GABRB3: variants seen among roughly 807,000 people sequenced by gnomAD.
GABRB3 encodes the protein gamma-aminobutyric acid receptor subunit beta-3.
A neutral mutation model predicts 52.1 loss-of-function variants in GABRB3; 14 were observed. That is an observed-to-expected ratio of 0.27 (90% CI 0.18 to 0.42). GABRB3 has a LOEUF of 0.42. GABRB3 is among the 10% of genes least tolerant of loss of function. GABRB3 has a pLI of 1.00. For synonymous variants in GABRB3, 260 were observed against 232.3 expected (o/e 1.12, Z -1.08); for missense variants, 307 against 609.1 (o/e 0.50, Z 5.22).
chr15:26,734,010 T>C (rs937269669), intron 3 of GABRB3, among the ~76,000 whole-genome samples: 1 of 139,592 alleles, frequency 7.2e-6, no homozygotes, highest in Non-Finnish European at 1.5e-5. Flanking sequence ...ATGTAAGCCC[T>C]AAAACTATAG....
At chr15:26,597,005 G>A (rs1024920609) in intron 4 of GABRB3, among the ~76,000 whole-genome samples, 2 of 152,134 alleles carry the variant, frequency 1.3e-5, no homozygotes, top group East Asian at 1.9e-4. Flanking sequence ...TCATGTGCTA[G>A]TTCAGATTTC....
intron 6 of GABRB3, among the ~76,000 whole-genome samples, chr15:26,569,792 TA>T (rs1890326372): frequency 6.6e-6 from 1 of 152,256 alleles, no homozygotes; most frequent in Non-Finnish European, 1.5e-5. Context: ...TATGACATTA[TA>T]CATTATCTCT....
rs1595440495 is a variant in GABRB3 at position 26,561,186 on chromosome 15, A to G, written c.836-10T>C. The G allele has an allele frequency of 6.2e-7, 1 of 1,613,570 alleles. No homozygotes were observed. The highest frequency in any genetic ancestry group is 1.7e-5 in the Admixed American group (1 of 60,026). ...AGCACAGTTGTGATCCCTAGAAAAGAAACAAAGTGGTGAGAGGCTGAAACT... is the reference window on the plus strand; with the variant it reads ...AGCACAGTTGTGATCCCTAGAAAAGGAACAAAGTGGTGAGAGGCTGAAACT... On this transcript the variant is annotated splice_polypyrimidine_tract_variant and intron_variant, in intron 7 of 8. Transcript: ENST00000311550.
At chr15:26,625,297 C>A (rs908616004) in intron 3 of GABRB3, 3 of 196,550 alleles carry the variant, frequency 1.5e-5, no homozygotes, top group African/African-American at 2.4e-5. Context: ...ATCAGAACCC[C>A]GGCACCACCA....
At chr15:26,699,821 A>G (rs1408180913) in intron 3 of GABRB3, among the ~76,000 whole-genome samples, 3 of 152,064 alleles carry the variant, frequency 2.0e-5, no homozygotes, top group African/African-American at 7.2e-5. Flanking sequence ...AAAAATGGAA[A>G]CATAATATTG....
At chr15:26,748,276 A>G (rs751446960) in intron 3 of GABRB3, among the ~76,000 whole-genome samples, 1 of 152,026 alleles carries the variant, frequency 6.6e-6, no homozygotes, top group South Asian at 2.1e-4. Context: ...TCTAGAGGAG[A>G]CTGCATACAG....
At chr15:26,691,463 C>T (rs1888586179) in intron 3 of GABRB3, among the ~76,000 whole-genome samples, 1 of 152,212 alleles carries the variant, frequency 6.6e-6, no homozygotes, top group Non-Finnish European at 1.5e-5. Context: ...CCATTCATTA[C>T]ATCCACTCTG....
intron 3 of GABRB3, among the ~76,000 whole-genome samples, chr15:26,660,803 A>C (rs576722406): frequency 3.3e-5 from 5 of 152,338 alleles, no homozygotes; most frequent in Non-Finnish European, 1.5e-5. Context: ...CCACATCTGG[A>C]AATTATAATG....
intron 6 of GABRB3, among the ~76,000 whole-genome samples, chr15:26,574,402 A>C (rs1320134777): frequency 6.6e-6 from 1 of 152,208 alleles, no homozygotes; most frequent in African/African-American, 2.4e-5. Flanking sequence ...TCCACTCCTA[A>C]GTATATGAGT....
intron 4 of GABRB3, chr15:26,612,481 G>A (rs948020502): frequency 6.6e-6 from 1 of 152,124 alleles, no homozygotes; most frequent in Admixed American, 6.5e-5. Flanking sequence ...AAAAATAATG[G>A]AGCAATGATT....
chr15:26,569,472 G>C (rs190234520), intron 6 of GABRB3: 4 of 152,106 alleles, frequency 2.6e-5, no homozygotes, highest in African/African-American at 9.7e-5. Context: ...CACAATTTTC[G>C]ATTCTTCCTA....
intron 3 of GABRB3, among the ~76,000 whole-genome samples, chr15:26,709,363 T>A (rs1383173440): frequency 6.6e-6 from 1 of 152,086 alleles, no homozygotes; most frequent in East Asian, 1.9e-4. Flanking sequence ...CCTCTCTTGT[T>A]CCCTCTTTCT....
In GABRB3 at chr15:26,580,465, A is replaced by C. The variant is rs1300188541; in HGVS notation, c.545-9T>G. 6.2e-7 allele frequency: 1 copy of C among 1,614,206 alleles called. No individual in the cohort carries two copies. Among genetic ancestry groups the C allele is most frequent in the Non-Finnish European group, 8.5e-7 (1 of 1,180,028 alleles). On this transcript the variant is annotated splice_polypyrimidine_tract_variant and intron_variant, in intron 5 of 8. Transcript: ENST00000311550. ...ATCCGTGGTGTAGCCATCTGCCAAG[A>C]GAGAAGCAGGGAGACAGCAAACATC...
intron 3 of GABRB3, among the ~76,000 whole-genome samples, chr15:26,649,486 C>A (rs1013291279): frequency 6.6e-6 from 1 of 152,142 alleles, no homozygotes; most frequent in Non-Finnish European, 1.5e-5. Flanking sequence ...TAATAAATTA[C>A]CTGGTCTGTG....
chr15:26,616,024 G>C (rs1054138680), intron 4 of GABRB3: 7 of 1,289,174 alleles, frequency 5.4e-6, no homozygotes, highest in South Asian at 3.7e-5. Flanking sequence ...AGTGTTCTCA[G>C]CTGTGCCAGA....
chr15:26,686,487 C>T (rs372145172), intron 3 of GABRB3, among the ~76,000 whole-genome samples: 1 of 152,184 alleles, frequency 6.6e-6, no homozygotes, highest in East Asian at 1.9e-4. Context: ...CATTACTATA[C>T]ACAAAGCTCT....
intron 3 of GABRB3, among the ~76,000 whole-genome samples, chr15:26,739,814 G>A (rs779496513): frequency 5.9e-5 from 9 of 152,068 alleles, no homozygotes; most frequent in East Asian, 3.9e-4. Flanking sequence ...ACTATCCATC[G>A]TTTATCTTTC....
At chr15:26,579,774 T>C (rs1007131652) in intron 6 of GABRB3, among the ~76,000 whole-genome samples, 3 of 152,140 alleles carry the variant, frequency 2.0e-5, no homozygotes, top group Non-Finnish European at 4.4e-5. Context: ...CTTGGGGCAG[T>C]TGATATAAAG....
At chr15:26,711,461 C>T (rs1322236786) in intron 3 of GABRB3, among the ~76,000 whole-genome samples, 2 of 105,844 alleles carry the variant, frequency 1.9e-5, no homozygotes, top group Admixed American at 9.5e-5. Flanking sequence ...TCCACTGCTC[C>T]GCTCGGCCTC....
Sources: gnomAD v4.1 joint callset for allele counts (sites outside exome capture counted in the v4.1 genomes callset) on GRCh38, gnomAD v4.1.1 for gene constraint, MANE v1.5 for transcripts, NCBI Gene and HGNC (gene_info 2026-07-23, HGNC 2026-07-21) for gene names.